POGZ: variants seen among roughly 807,000 people sequenced by gnomAD.
The protein encoded by POGZ is pogo transposable element with ZNF domain.
A neutral mutation model predicts 134.6 loss-of-function variants in POGZ; 17 were observed. The ratio of observed to expected loss-of-function variants is 0.13; its 90% confidence interval spans 0.09 to 0.19. POGZ has a LOEUF of 0.19. POGZ is among the 10% of genes least tolerant of loss of function. POGZ has a pLI of 1.00. For synonymous variants in POGZ, 693 were observed against 657.1 expected (o/e 1.05, Z -0.84); for missense variants, 1,306 against 1,769.7 (o/e 0.74, Z 4.70).
chr1:151,447,345 T>G (rs780168587), intron 1 of POGZ, among the ~76,000 whole-genome samples: 2 of 151,510 alleles, frequency 1.3e-5, no homozygotes, highest in Non-Finnish European at 2.9e-5. Flanking sequence ...GCACTCCAGC[T>G]TGGACAACAG....
chr1:151,447,218 T>C (rs1661404735), intron 1 of POGZ, among the ~76,000 whole-genome samples: 1 of 151,952 alleles, frequency 6.6e-6, no homozygotes, highest in Non-Finnish European at 1.5e-5. Context: ...AAACCCTGTC[T>C]CTACTAAAAA....
intron 10 of POGZ, among the ~76,000 whole-genome samples, chr1:151,416,348 G>A (rs2102222532): frequency 6.6e-6 from 1 of 151,578 alleles, no homozygotes; most frequent in South Asian, 2.1e-4. Flanking sequence ...CTTGAGGCTA[G>A]GAGTTAGAGA....
chr1:151,444,010 G>A, intron 1 of POGZ, among the ~76,000 whole-genome samples: 1 of 152,218 alleles, frequency 6.6e-6, no homozygotes, highest in East Asian at 1.9e-4. Context: ...CATCCTGACA[G>A]TAGCAGTTTG....
chr1:151,413,202 T>A (rs935936581), intron 10 of POGZ, among the ~76,000 whole-genome samples: 1 of 149,232 alleles, frequency 6.7e-6, no homozygotes, highest in Non-Finnish European at 1.5e-5. Context: ...GCTAGGACTA[T>A]CCTTTGAGCT....
chr1:151,444,099 CA>C (rs754527233), intron 1 of POGZ, among the ~76,000 whole-genome samples: 3 of 152,174 alleles, frequency 2.0e-5, no homozygotes, highest in Non-Finnish European at 4.4e-5. Flanking sequence ...CAGCTATAGC[CA>C]GGGGCACTCT....
At chr1:151,452,788 C>T (rs959569468) in intron 1 of POGZ, among the ~76,000 whole-genome samples, 30 of 149,690 alleles carry the variant, frequency 2.0e-4, no homozygotes, top group African/African-American at 6.6e-4. Context: ...CGCTTGAATT[C>T]GGGAGGCAGA....
Position 151,423,526 on chromosome 1 carries a change from C to T in POGZ, c.1549G>A (p.Val517Ile), listed in dbSNP as rs754532606. The change falls in exon 10 of 19, where the codon GTA (valine) becomes ATA (isoleucine). Residue 517 changes from valine (V) to isoleucine (I), a missense_variant. Val to Ile is a conservative substitution (Grantham distance 29, BLOSUM62 3). This residue lies in a region of POGZ where 541 missense variants were observed against 680.5 expected (regional missense o/e 0.80). Coordinates refer to ENST00000271715, the MANE Select transcript of POGZ (RefSeq NM_015100.4). Reference sequence around the variant, plus strand: ...TCACCGTTCTGCTGATCGAGTTCTACGTGGTGTTTCATATGGTTCATGAAT... The same window carrying T: ...TCACCGTTCTGCTGATCGAGTTCTATGTGGTGTTTCATATGGTTCATGAAT... The part of the protein sequence containing the change: ...IRFMNHMKHH[V>I]ELDQQNGEVD... The T allele has an allele frequency of 9.9e-6, 16 of 1,613,662 alleles. No individual in the cohort carries two copies. The highest frequency in any genetic ancestry group is 1.7e-4 in the Middle Eastern group (1 of 6,058).
At chr1:151,414,707 G>A (rs958235457) in intron 10 of POGZ, among the ~76,000 whole-genome samples, 6 of 152,290 alleles carry the variant, frequency 3.9e-5, no homozygotes, top group African/African-American at 1.2e-4. Context: ...GCTTGAAGCT[G>A]GGAGGCAGAG....
chr1:151,411,573 GT>G, intron 12 of POGZ, 51 bp downstream of exon 12: 8 of 1,295,138 alleles, frequency 6.2e-6, no homozygotes, highest in South Asian at 2.7e-5. Context: ...CAGCATCCAT[GT>G]TTAAAAAAAA....
At chr1:151,408,967 G>T in intron 12 of POGZ, 139 bp from the exon 13 acceptor site, 1 of 751,712 alleles carries the variant, frequency 1.3e-6, no homozygotes, top group Non-Finnish European at 2.2e-6. Flanking sequence ...GAGTAAGAAA[G>T]AAATATGCAA....
chr1:151,448,678 T>C (rs1426979999), intron 1 of POGZ, among the ~76,000 whole-genome samples: 1 of 151,872 alleles, frequency 6.6e-6, no homozygotes, highest in Non-Finnish European at 1.5e-5. Flanking sequence ...CCTGGGCAAC[T>C]TGGTGAAATC....
At chr1:151,417,040 TAAGGA>T (rs1250864743) in intron 10 of POGZ, among the ~76,000 whole-genome samples, 1 of 152,118 alleles carries the variant, frequency 6.6e-6, no homozygotes, top group African/African-American at 2.4e-5. Context: ...TGAATGTTAT[TAAGGA>T]TTTCTGATTA....
intron 1 of POGZ, among the ~76,000 whole-genome samples, chr1:151,457,620 G>C (rs1261453981): frequency 6.6e-6 from 1 of 152,126 alleles, no homozygotes; most frequent in Non-Finnish European, 1.5e-5. Context: ...CTCTAGTTGG[G>C]TAAATGCCTA....
intron 11 of POGZ, 54 bp from the exon 12 acceptor site, chr1:151,411,825 G>T: frequency 6.8e-7 from 1 of 1,473,576 alleles, no homozygotes; most frequent in Non-Finnish European, 9.1e-7. Flanking sequence ...CAACTGAGAG[G>T]CCTTAAAAAA....
chr1:151,452,071 T>C (rs868676617), intron 1 of POGZ, among the ~76,000 whole-genome samples: 1 of 123,592 alleles, frequency 8.1e-6, no homozygotes, highest in Non-Finnish European at 1.6e-5. Context: ...CACTCCAGCC[T>C]GGGCAACAAG....
At chr1:151,447,506 C>T (rs951220680) in intron 1 of POGZ, among the ~76,000 whole-genome samples, 2 of 151,910 alleles carry the variant, frequency 1.3e-5, no homozygotes, top group Non-Finnish European at 2.9e-5. Flanking sequence ...GGCTGGAGTA[C>T]AGTGGCACAA....
chr1:151,410,344 TC>T (rs1428643364), intron 12 of POGZ, among the ~76,000 whole-genome samples: 1 of 152,230 alleles, frequency 6.6e-6, no homozygotes, highest in Non-Finnish European at 1.5e-5. Flanking sequence ...AAATGTGACT[TC>T]CACCCTACCA....
Position 151,423,457 on chromosome 1 carries a change from A to G in POGZ, c.1618T>C (p.Ser540Pro). 1 of 1,614,076 alleles carries G rather than the reference A, an allele frequency of 6.2e-7. No homozygotes were observed. Among genetic ancestry groups the G allele is most frequent in the Non-Finnish European group, 8.5e-7 (1 of 1,179,906 alleles). ...TICQHCYRQF[S>P]TPFQLQCHLE... ...TGGCACTGAAGCTGGAAGGGAGTGG[A>G]AAACTGGCGGTAACAGTGCTGGCAG... is the stretch of plus-strand genomic sequence containing the variant. The change falls in exon 10 of 19, where the codon TCC (serine) becomes CCC (proline). Residue 540 changes from serine (S) to proline (P), a missense_variant. Ser to Pro is a moderately conservative substitution (Grantham distance 74). Coordinates refer to ENST00000271715, the MANE Select transcript of POGZ (RefSeq NM_015100.4).
intron 10 of POGZ, among the ~76,000 whole-genome samples, chr1:151,418,942 T>C (rs915668032): frequency 6.8e-6 from 1 of 146,546 alleles, no homozygotes; most frequent in African/African-American, 2.6e-5. Flanking sequence ...GGAGAATCGC[T>C]TGAAACCAGA....
Sources: allele counts gnomAD v4.1 joint callset (sites outside exome capture counted in the v4.1 genomes callset), GRCh38; gene constraint gnomAD v4.1.1; regional missense constraint gnomAD v4.1.1; transcripts MANE v1.5; gene names NCBI Gene and HGNC (gene_info 2026-07-23, HGNC 2026-07-21).